The following LRRFIP1 variants were observed in gnomAD, a reference collection of about 807,000 sequenced individuals.
LRRFIP1 encodes leucine-rich repeat flightless-interacting protein 1.
Under a neutral mutation model 104.4 loss-of-function variants are expected in LRRFIP1, and 62 were observed. The ratio of observed to expected loss-of-function variants is 0.59; its 90% CI spans 0.48 to 0.73. The LOEUF (loss-of-function observed/expected upper bound fraction) is 0.73. Among genes scored for constraint, LRRFIP1 ranks in the 30% least tolerant of loss-of-function variants. LRRFIP1 has a pLI of 0.00. For synonymous variants in LRRFIP1, 300 were observed against 299.0 expected, an observed-to-expected ratio of 1.00 and a Z score of -0.03; for missense variants, 796 against 824.5, an observed-to-expected ratio of 0.97 and a Z score of 0.42.
chr2:237,774,666 A>G (rs2060930645), intron 23 of LRRFIP1, among the ~76,000 whole-genome samples: 1 of 152,264 alleles, frequency 6.6e-6, no homozygotes, highest in African/African-American at 2.4e-5. Context: ...CCTTGCTGGC[A>G]TCAACTAGTT....
rs548612846 is a variant in LRRFIP1, at chr2:237,650,509, C to T, written c.96+22769C>T. 3.1e-4 allele frequency among the ~76,000 whole-genome samples: 47 copies of T among 152,232 alleles called. No homozygotes were observed. In the South Asian group the frequency reaches 5.2e-3, roughly 17 times the overall value. On this transcript the variant is annotated intron_variant, in intron 1 of 23. Transcript: ENST00000308482. ...TGTGTGGAGGACAGCCCTGGATGGC[C>T]GGGCAGGTTACGCACTGCAGAAGCC...
intron 4 of LRRFIP1, among the ~76,000 whole-genome samples, chr2:237,718,626 C>G (rs2094431220): frequency 6.6e-6 from 1 of 152,192 alleles, no homozygotes; most frequent in African/African-American, 2.4e-5. Context: ...GCTTTATTGC[C>G]TGGCCTCGTG....
At chr2:237,688,441 C>CTTT (rs5839674) in intron 1 of LRRFIP1, among the ~76,000 whole-genome samples, 1 of 132,510 alleles carries the variant, frequency 7.5e-6, no homozygotes, top group Non-Finnish European at 1.6e-5. Flanking sequence ...GATGGACCCC[C>CTTT]TTTTTTTTTT....
At chr2:237,753,790 CAAAAA>C (rs749198309) in intron 15 of LRRFIP1, among the ~76,000 whole-genome samples, 1 of 74,768 alleles carries the variant, frequency 1.3e-5, no homozygotes, top group Admixed American at 1.6e-4. Context: ...GACACTGTCT[CAAAAA>C]AAAAAAAAAA....
In LRRFIP1 at chr2:237,751,185, T is replaced by C. The variant is rs1439330660; in HGVS notation, c.796-15T>C. ...TTCCCTTGACATCATCTGCCTTTTT[T>C]GCCATTTCCCCCAGGAACTCAATGA... On this transcript the variant is annotated splice_polypyrimidine_tract_variant and intron_variant, in intron 13 of 23. Coordinates refer to ENST00000308482, the MANE Select transcript of LRRFIP1 (RefSeq NM_001137550.2). 1 of 1,595,522 alleles carries C rather than the reference T, an allele frequency of 6.3e-7. No individual in the cohort carries two copies. The highest frequency in any genetic ancestry group is 8.6e-7 in the Non-Finnish European group (1 of 1,169,244).
intron 15 of LRRFIP1, among the ~76,000 whole-genome samples, chr2:237,753,951 A>G (rs2150715784): frequency 6.6e-6 from 1 of 152,278 alleles, no homozygotes; most frequent in Non-Finnish European, 1.5e-5. Flanking sequence ...TTATCCAGGA[A>G]ATCCAAACAT....
chr2:237,643,718 G>T (rs193292318), intron 1 of LRRFIP1, among the ~76,000 whole-genome samples: 1 of 148,184 alleles, frequency 6.7e-6, no homozygotes, highest in East Asian at 2.0e-4. Flanking sequence ...GTGAGTGAGT[G>T]AATGAATACA....
chr2:237,739,300 C>T lies in LRRFIP1; in HGVS notation c.624C>T (p.Ala208=). 6.4e-7 allele frequency: 1 copy of T among 1,559,580 alleles called. No individual in the cohort carries two copies. The highest frequency in any genetic ancestry group is 8.7e-7 in the Non-Finnish European group (1 of 1,152,784). Residue 208 remains alanine (A), a synonymous_variant, in exon 11 of 24, where the codon GCC becomes GCT. Coordinates refer to ENST00000308482, the MANE Select transcript of LRRFIP1 (RefSeq NM_001137550.2). ...RASSRASSAR[A]SPVVEERPEK... ...CCTCCAGGGCCAGCTCGGCCCGGGC[C>T]AGCCCTGTGGTAAGTCGGCCTCCTG...
chr2:237,721,088 G>A lies in LRRFIP1; in HGVS notation c.345+266G>A, dbSNP rs547685541. 53 of 410,810 alleles carry A rather than the reference G, an allele frequency of 1.3e-4. No homozygotes were observed. The Middle Eastern group carries it at 2.6e-3, about 20-fold the overall frequency. 25.4% of individuals were successfully genotyped at this position (410,810 alleles called of 1,614,324 possible). A position where few individuals can be genotyped will look rare whatever the true frequency, so the allele number is the denominator to read the frequency against. ...TTTCAATACTTATCCACATCACAAA[G>A]CTCCCAAGCCTTGATTAGCACAGTT... On this transcript the variant is annotated intron_variant, in intron 6 of 23. Coordinates refer to ENST00000308482, the MANE Select transcript of LRRFIP1 (RefSeq NM_001137550.2).
chr2:237,713,628 T>C (rs1311943204), intron 2 of LRRFIP1, among the ~76,000 whole-genome samples: 1 of 144,550 alleles, frequency 6.9e-6, no homozygotes, highest in Non-Finnish European at 1.6e-5. Context: ...AATGTCTTAA[T>C]GAATGAATGA....
rs575184091 is a variant in LRRFIP1, at chr2:237,688,047, CG to C, written c.97-20496del. Among the ~76,000 whole-genome samples the C allele has an allele frequency of 5.3e-5, 8 of 152,340 alleles. No homozygotes were observed. In the South Asian group the frequency reaches 1.7e-3, roughly 32 times the overall value. On this transcript the variant is annotated intron_variant, in intron 1 of 23. Coordinates refer to ENST00000308482, the MANE Select transcript of LRRFIP1 (RefSeq NM_001137550.2). ...AAATTAGACCATGCTACTGGCCTTTCGTTCTTTTCTCAGGAGTCTCCTATAC... is the reference window on the plus strand; with the variant it reads ...AAATTAGACCATGCTACTGGCCTTTCTTCTTTTCTCAGGAGTCTCCTATAC...
chr2:237,663,640 A>G (rs2088543805), intron 1 of LRRFIP1, among the ~76,000 whole-genome samples: 1 of 152,214 alleles, frequency 6.6e-6, no homozygotes, highest in Non-Finnish European at 1.5e-5. Context: ...CTCAGCCTTA[A>G]TGGACGAGGC....
Position 237,649,067 on chromosome 2 carries a change from C to T in LRRFIP1, c.96+21327C>T, listed in dbSNP as rs1437902163. ...TGTTGCCTCCCATCTGTGGTCAGCA[C>T]GGAGGCTGCCCTGGGTCTTGGCCGG... is the stretch of plus-strand genomic sequence containing the variant. On this transcript the variant is annotated intron_variant, in intron 1 of 23. Transcript: ENST00000308482. The surrounding 1 kb of genome is among the most constrained non-coding windows in gnomAD (Gnocchi z 4.1). Among the ~76,000 whole-genome samples, 1 of 151,840 alleles carries T rather than the reference C, an allele frequency of 6.6e-6. No homozygotes were observed. The highest frequency in any genetic ancestry group is 1.5e-5 in the Non-Finnish European group (1 of 67,912).
chr2:237,753,941 T>C (rs2058965690), intron 15 of LRRFIP1, among the ~76,000 whole-genome samples: 1 of 152,142 alleles, frequency 6.6e-6, no homozygotes, highest in Non-Finnish European at 1.5e-5. Context: ...GGCTCTCCGC[T>C]TATCCAGGAA....
chr2:237,677,746 C>T (rs1559524158), intron 1 of LRRFIP1, among the ~76,000 whole-genome samples: 3 of 152,200 alleles, frequency 2.0e-5, no homozygotes, highest in Admixed American at 1.3e-4. Context: ...ACCTCTAGCA[C>T]AGCCTACCTG....
chr2:237,692,269 C>A (rs1026110579), intron 1 of LRRFIP1: 246 of 1,163,418 alleles, frequency 2.1e-4, no homozygotes, highest in Non-Finnish European at 2.5e-4. Flanking sequence ...CGGCCGCGCC[C>A]GAGCCCAGCG....
chr2:237,702,478 G>A (rs2093590143), intron 1 of LRRFIP1, among the ~76,000 whole-genome samples: 1 of 152,168 alleles, frequency 6.6e-6, no homozygotes, highest in Non-Finnish European at 1.5e-5. Flanking sequence ...TTCCTGAGAA[G>A]CCAGGGAGCC....
chr2:237,725,818 G>A (rs1356398559), intron 7 of LRRFIP1, among the ~76,000 whole-genome samples: 2 of 152,216 alleles, frequency 1.3e-5, no homozygotes, highest in East Asian at 1.9e-4. Context: ...CTGCTCCGTC[G>A]CTGCAGGCTG....
chr2:237,632,205 A>AATGCCCC (rs2082462909), intron 1 of LRRFIP1, among the ~76,000 whole-genome samples: 1 of 149,796 alleles, frequency 6.7e-6, no homozygotes, highest in African/African-American at 2.5e-5. Context: ...AAGGGGTCAC[A>AATGCCCC]CAGCCCCCAA....
Sources: allele counts gnomAD v4.1 joint callset (sites outside exome capture counted in the v4.1 genomes callset), GRCh38; gene constraint gnomAD v4.1.1; non-coding constraint Gnocchi (gnomAD v3.1); transcripts MANE v1.5; gene names NCBI Gene and HGNC (gene_info 2026-07-23, HGNC 2026-07-21).